The following ZFX variants were observed in gnomAD, a reference collection of about 807,000 sequenced individuals.
The protein encoded by ZFX is zinc finger protein X-linked.
For synonymous variants in ZFX, 196 were observed against 226.8 expected (o/e 0.86, Z 1.22); for missense variants, 362 against 628.3 (o/e 0.58, Z 4.53).
At chrX:24,189,097 A>G (rs1936360292) in intron 5 of ZFX, among the ~76,000 whole-genome samples, 1 of 112,221 alleles carries the variant, frequency 8.9e-6, no homozygotes. Flanking sequence ...TCGGCCTCCC[A>G]AAGTGCTAGG....
At chrX:24,182,257 T>C (rs1194160874) in intron 5 of ZFX, among the ~76,000 whole-genome samples, 3 of 110,728 alleles carry the variant, frequency 2.7e-5, no homozygotes, top group Non-Finnish European at 5.7e-5. Context: ...TTTGGTGCTT[T>C]TGAGAGAGTT....
Position 24,214,845 on chromosome X carries a change from A to C in ZFX, c.*3469A>C, listed in dbSNP as rs771423044. 8.9e-6 allele frequency: 1 copy of C among 111,838 alleles called. No individual in the cohort carries two copies. Among genetic ancestry groups the C allele is most frequent in the Non-Finnish European group, 1.9e-5 (1 of 53,217 alleles). 9.2% of individuals were successfully genotyped at this position (111,838 alleles called of 1,213,427 possible). On this transcript the variant is annotated 3_prime_UTR_variant, in exon 10 of 10. Transcript: ENST00000304543. ...GCATATTTAATCAGTGGGGACTGTT[A>C]CCACCTCCACAACAGAAATCATGCC...
intron 3 of ZFX, among the ~76,000 whole-genome samples, chrX:24,165,371 G>A (rs375316988): frequency 3.6e-5 from 4 of 112,071 alleles, no homozygotes; most frequent in Non-Finnish European, 7.5e-5. Flanking sequence ...CGCCAGCCTC[G>A]GCCTCCCAAA....
intron 4 of ZFX, chrX:24,173,511 C>A: frequency 9.7e-7 from 1 of 1,032,374 alleles, no homozygotes; most frequent in Non-Finnish European, 1.2e-6. Context: ...GGAAAAAAAA[C>A]AGTATTAGAA....
chrX:24,181,602 G>T (rs970129013), intron 5 of ZFX, among the ~76,000 whole-genome samples: 8 of 111,935 alleles, frequency 7.1e-5, no homozygotes, highest in African/African-American at 2.6e-4. Flanking sequence ...CTTTGTGTAC[G>T]TTCTATTTTA....
In ZFX at chrX:24,212,233, T is replaced by TTA. The variant is rs1428527049; in HGVS notation, c.*866_*867dup. ...TTTATGTATGTAAATGTACCCTGAA[T>TTA]TATATATATACACATATATATCATG... is the stretch of plus-strand genomic sequence containing the variant. On this transcript the variant is annotated 3_prime_UTR_variant, in exon 10 of 10. Coordinates refer to ENST00000304543, the MANE Select transcript of ZFX (RefSeq NM_003410.4). 1 of 112,005 alleles carries TTA rather than the reference T, an allele frequency of 8.9e-6. No homozygotes were observed. Among genetic ancestry groups the TTA allele is most frequent in the Non-Finnish European group, 1.9e-5 (1 of 53,206 alleles). 9.2% of individuals were successfully genotyped at this position (112,005 alleles called of 1,213,427 possible).
At chrX:24,192,205 A>C (rs1936578181) in intron 5 of ZFX, among the ~76,000 whole-genome samples, 1 of 112,025 alleles carries the variant, frequency 8.9e-6, no homozygotes, top group African/African-American at 3.2e-5. Context: ...TCTTAGCAAT[A>C]GTGAGGTGTA....
At chrX:24,187,769 A>G (rs899951626) in intron 5 of ZFX, among the ~76,000 whole-genome samples, 1 of 111,814 alleles carries the variant, frequency 8.9e-6, no homozygotes, top group Non-Finnish European at 1.9e-5. Context: ...TAAACAGCAA[A>G]GTCCCTGGCT....
intron 3 of ZFX, among the ~76,000 whole-genome samples, chrX:24,165,302 G>T (rs1163225336): frequency 9.0e-6 from 1 of 111,619 alleles, no homozygotes; most frequent in African/African-American, 3.3e-5. Flanking sequence ...TTGTATTGTA[G>T]TAGAGACAGG....
At chrX:24,204,987 A>G (rs1261748845) in intron 5 of ZFX, among the ~76,000 whole-genome samples, 2 of 112,378 alleles carry the variant, frequency 1.8e-5, no homozygotes, top group Non-Finnish European at 1.9e-5. Context: ...TCATATTTGC[A>G]TCTCCAATAC....
intron 5 of ZFX, among the ~76,000 whole-genome samples, chrX:24,198,024 T>C (rs767535897): frequency 1.8e-5 from 2 of 111,467 alleles, no homozygotes; most frequent in South Asian, 7.5e-4. Context: ...AGAAACTGAT[T>C]TTAAAAAAAC....
intron 7 of ZFX, 110 bp from the exon 8 acceptor site, chrX:24,208,107 TA>T: frequency 1.0e-6 from 1 of 993,899 alleles, no homozygotes; most frequent in Non-Finnish European, 1.4e-6. Context: ...TCTAGGTATG[TA>T]ATATTTGGAC....
chrX:24,194,704 G>A (rs749981296), intron 5 of ZFX, among the ~76,000 whole-genome samples: 10 of 110,935 alleles, frequency 9.0e-5, no homozygotes, highest in Non-Finnish European at 1.9e-4. Context: ...ATGTGCCATA[G>A]GAACTTAACT....
intron 5 of ZFX, among the ~76,000 whole-genome samples, chrX:24,195,594 A>G (rs2704819): frequency 0.44 from 48,754 of 110,126 alleles, 7,777 homozygotes; most frequent in South Asian, 0.79. Context: ...TGACCTCATG[A>G]TCCGCCCGCC....
chrX:24,214,177 T>C lies in ZFX; in HGVS notation c.*2801T>C, dbSNP rs1938310334. Reference sequence around the variant, plus strand: ...TTTGATTAGCAAAGCTAAAAAAAAATGGATGTTTCAGTTAAATGTTTTAAA... The same window carrying C: ...TTTGATTAGCAAAGCTAAAAAAAAACGGATGTTTCAGTTAAATGTTTTAAA... On this transcript the variant is annotated 3_prime_UTR_variant, in exon 10 of 10. Transcript: ENST00000304543. 1 of 112,113 alleles carries C rather than the reference T, an allele frequency of 8.9e-6. No individual in the cohort carries two copies. Among genetic ancestry groups the C allele is most frequent in the Admixed American group, 9.5e-5 (1 of 10,537 alleles). 9.2% of individuals were successfully genotyped at this position (112,113 alleles called of 1,213,427 possible).
intron 3 of ZFX, among the ~76,000 whole-genome samples, chrX:24,158,374 A>G (rs1002129551): frequency 2.7e-5 from 3 of 111,362 alleles, no homozygotes; most frequent in African/African-American, 9.8e-5. Context: ...ACCAAAAACA[A>G]AAAAACACAG....
rs756377273 is a variant in ZFX, at chrX:24,215,143, C to CA, written c.*3771dup. 3 of 111,906 alleles carry CA rather than the reference C, an allele frequency of 2.7e-5. No homozygotes were observed. The highest frequency in any genetic ancestry group is 9.7e-5 in the African/African-American group (3 of 30,874). The allele number at this position is 111,906 out of a possible 1,213,427, so 9.2% of individuals were successfully genotyped here. On this transcript the variant is annotated 3_prime_UTR_variant, in exon 10 of 10. Coordinates refer to ENST00000304543, the MANE Select transcript of ZFX (RefSeq NM_003410.4). ...TCACTGTCCAGAGCCATAAATCAGA[C>CA]AAAACCATACATAGCATGCTGAAAA...
intron 5 of ZFX, among the ~76,000 whole-genome samples, chrX:24,197,457 A>AT (rs1936998554): frequency 8.9e-6 from 1 of 112,268 alleles, no homozygotes; most frequent in Admixed American, 9.5e-5. Context: ...ATCTTAGCAT[A>AT]TAGCCAAGGA....
At position 24,179,163 on chromosome X, in the gene ZFX, A is replaced by G. The variant is rs771449924; in HGVS notation, c.59-20A>G. The stretch of plus-strand genomic sequence containing the variant: ...CATGCATACTTACCTGAAATTTGTC[A>G]TTTTAATTTTTTTTTTAAGGAGCTG... On this transcript the variant is annotated intron_variant, in intron 4 of 9. Coordinates refer to ENST00000304543, the MANE Select transcript of ZFX (RefSeq NM_003410.4). 9 of 1,181,282 alleles carry G rather than the reference A, an allele frequency of 7.6e-6. No homozygotes were observed. The South Asian group carries it at 1.7e-4, about 22-fold the overall frequency.
Sources: gnomAD v4.1 joint callset for allele counts (sites outside exome capture counted in the v4.1 genomes callset) on GRCh38, gnomAD v4.1.1 for gene constraint, MANE v1.5 for transcripts, NCBI Gene and HGNC (gene_info 2026-07-23, HGNC 2026-07-21) for gene names.